The following CTNNA2 variants were observed in gnomAD, a reference collection of about 807,000 sequenced individuals.
CTNNA2 encodes the protein catenin alpha 2, also known as catenin alpha-2.
A neutral mutation model predicts 101.0 loss-of-function variants in CTNNA2; 42 were observed. The ratio of observed to expected loss-of-function variants is 0.42; its 90% CI spans 0.32 to 0.54. The LOEUF (loss-of-function observed/expected upper bound fraction) is 0.54, where lower values mean the gene tolerates loss of function less well. CTNNA2 is among the 20% of genes least tolerant of loss of function. The pLI, the probability that CTNNA2 is intolerant of heterozygous loss-of-function variation, is 0.14. For missense variants in CTNNA2, 871 were observed against 1,223.1 expected, an observed-to-expected ratio of 0.71 and a Z score of 4.29; for synonymous variants, 450 against 456.4, an observed-to-expected ratio of 0.99 and a Z score of 0.18.
intron 7 of CTNNA2, among the ~76,000 whole-genome samples, chr2:80,115,653 C>A (rs1468628481): frequency 6.6e-6 from 1 of 152,054 alleles, no homozygotes; most frequent in Non-Finnish European, 1.5e-5. Flanking sequence ...AGATTTGGGA[C>A]AGAGGGAGGG....
chr2:79,235,293 C>T (rs1053597971), intron 2 of CTNNA2, among the ~76,000 whole-genome samples: 1 of 152,076 alleles, frequency 6.6e-6, no homozygotes, highest in Non-Finnish European at 1.5e-5. Context: ...TGTATACTGG[C>T]AAAATATTTT....
chr2:80,562,808 G>C (rs1396849159), intron 12 of CTNNA2, among the ~76,000 whole-genome samples: 2 of 151,992 alleles, frequency 1.3e-5, no homozygotes, highest in Non-Finnish European at 2.9e-5. Context: ...TAAAAAATGA[G>C]GTGGAAAAAG....
intron 15 of CTNNA2, among the ~76,000 whole-genome samples, chr2:80,591,457 G>GTTTCTTTTTTTTTTTTTTT (rs1696485831): frequency 1.4e-5 from 1 of 70,312 alleles, no homozygotes; most frequent in African/African-American, 4.6e-5. Flanking sequence ...TGCACAGCCT[G>GTTTCTTTTTTTTTTTTTTT]TTTTTTTTTT....
chr2:80,318,976 T>A (rs1264236572), intron 7 of CTNNA2, among the ~76,000 whole-genome samples: 1 of 152,146 alleles, frequency 6.6e-6, no homozygotes, highest in Non-Finnish European at 1.5e-5. Context: ...TAACTGATAA[T>A]TTTAAAAAGA....
At chr2:80,253,263 G>A (rs188836) in intron 7 of CTNNA2, among the ~76,000 whole-genome samples, 102,567 of 151,960 alleles carry the variant, frequency 0.67, 35,010 homozygotes, top group African/African-American at 0.79. Flanking sequence ...AGAAGAATCA[G>A]TTTGCACTAT....
intron 2 of CTNNA2, among the ~76,000 whole-genome samples, chr2:79,240,688 G>C (rs1202140144): frequency 6.6e-6 from 1 of 152,124 alleles, no homozygotes; most frequent in South Asian, 2.1e-4. Flanking sequence ...AAGTAAATAA[G>C]GTAGCTTGGT....
chr2:80,419,875 T>C (rs1204013221), intron 9 of CTNNA2, among the ~76,000 whole-genome samples: 5 of 151,052 alleles, frequency 3.3e-5, no homozygotes, highest in African/African-American at 1.2e-4. Context: ...ACAAAAGAAG[T>C]GGAAGGGAAC....
intron 18 of CTNNA2, among the ~76,000 whole-genome samples, chr2:80,629,048 A>G (rs1020902602): frequency 3.3e-5 from 5 of 152,134 alleles, no homozygotes; most frequent in Non-Finnish European, 7.4e-5. Flanking sequence ...GTTAGGATTA[A>G]TGGTATTGAT....
chr2:80,526,598 G>T (rs1042220913), intron 9 of CTNNA2, among the ~76,000 whole-genome samples: 2 of 152,072 alleles, frequency 1.3e-5, no homozygotes, highest in Non-Finnish European at 2.9e-5. Context: ...CTCCCAAAGT[G>T]CTGGGATTAC....
intron 7 of CTNNA2, among the ~76,000 whole-genome samples, chr2:80,338,295 T>C (rs1211524351): frequency 1.5e-5 from 2 of 133,250 alleles, no homozygotes; most frequent in Non-Finnish European, 3.1e-5. Flanking sequence ...GGCCTTTTTT[T>C]CTTTTTCTTT....
chr2:80,156,391 T>C (rs1410259262), intron 7 of CTNNA2, among the ~76,000 whole-genome samples: 3 of 152,216 alleles, frequency 2.0e-5, no homozygotes, highest in African/African-American at 7.2e-5. Context: ...GTAGCTCTCT[T>C]AAAATTTGCT....
chr2:79,815,997 T>C (rs1677460194), intron 3 of CTNNA2, among the ~76,000 whole-genome samples: 1 of 133,392 alleles, frequency 7.5e-6, no homozygotes, highest in Non-Finnish European at 1.5e-5. Flanking sequence ...TATTCCTAAG[T>C]ATTTTTTTTT....
At chr2:79,644,829 T>C (rs747595229) in intron 1 of CTNNA2, among the ~76,000 whole-genome samples, 19 of 152,150 alleles carry the variant, frequency 1.2e-4, no homozygotes, top group Non-Finnish European at 2.8e-4. Flanking sequence ...GCTCCTCTTT[T>C]TTTCATTTGT....
Position 79,667,804 on chromosome 2 carries a change from T to C in CTNNA2, c.102+16146T>C, listed in dbSNP as rs925962905. 3.3e-5 allele frequency among the ~76,000 whole-genome samples: 5 copies of C among 152,384 alleles called. No homozygotes were observed. In the South Asian group the frequency reaches 1.0e-3, roughly 32 times the overall value. The stretch of plus-strand genomic sequence containing the variant: ...TTGAGTTATTTCCAGAAGACATTTA[T>C]TAATGTATTCAGGTTTGCACAGCAA... On this transcript the variant is annotated intron_variant, in intron 2 of 18. Coordinates refer to ENST00000402739, the MANE Select transcript of CTNNA2 (RefSeq NM_001282597.3).
rs1317412171 is a variant in CTNNA2, at chr2:80,419,426, TTTTG to T, written c.1138-19_1138-16del. On this transcript the variant is annotated intron_variant, in intron 8 of 18. Transcript: ENST00000402739. Reference sequence around the variant, plus strand: ...TACTATTTCTTAATTGTATGTCATTTTTTGTTTTTGTTTCAACTGTAGCTTCGGA... The same window carrying T: ...TACTATTTCTTAATTGTATGTCATTTTTTTTGTTTCAACTGTAGCTTCGGA... The T allele has an allele frequency of 1.3e-6, 2 of 1,583,674 alleles. No homozygotes were observed. The highest frequency in any genetic ancestry group is 1.7e-6 in the Non-Finnish European group (2 of 1,160,290).
chr2:80,219,033 A>G (rs944796937), intron 7 of CTNNA2, among the ~76,000 whole-genome samples: 1 of 152,168 alleles, frequency 6.6e-6, no homozygotes, highest in Non-Finnish European at 1.5e-5. Flanking sequence ...GGTTACTTGG[A>G]TATCGTGGCA....
Position 79,796,305 on chromosome 2 carries a change from G to A in CTNNA2, c.298+51723G>A, listed in dbSNP as rs748613588. Among the ~76,000 whole-genome samples the A allele has an allele frequency of 2.1e-4, 31 of 150,798 alleles. 1 individual carries two copies. The highest frequency in any genetic ancestry group is 1.3e-4 in the Non-Finnish European group (9 of 67,920). On this transcript the variant is annotated intron_variant, in intron 3 of 18. Transcript: ENST00000402739. ...AGTGGCCTAAATTCAGGAGAATGGC[G>A]TGAACCCGGGAGGCGGAGCTTGCAG...
chr2:80,178,051 C>T (rs1277074358), intron 7 of CTNNA2, among the ~76,000 whole-genome samples: 2 of 152,206 alleles, frequency 1.3e-5, no homozygotes, highest in Non-Finnish European at 2.9e-5. Context: ...AAATCAGGCC[C>T]TTGTCACCTT....
At chr2:79,335,731 A>T (rs990412391) in intron 3 of CTNNA2, among the ~76,000 whole-genome samples, 2 of 152,226 alleles carry the variant, frequency 1.3e-5, no homozygotes, top group Non-Finnish European at 2.9e-5. Flanking sequence ...AAAGATGTCT[A>T]TGAAGGTGGT....
Sources: allele counts gnomAD v4.1 joint callset (sites outside exome capture counted in the v4.1 genomes callset), GRCh38; gene constraint gnomAD v4.1.1; transcripts MANE v1.5; gene names NCBI Gene and HGNC (gene_info 2026-07-23, HGNC 2026-07-21).